EXOC4: variants seen among roughly 807,000 people sequenced by gnomAD.
EXOC4 encodes the protein exocyst complex component 4.
In EXOC4, 71 loss-of-function variants were observed where a neutral mutation model predicts 107.2. The ratio of observed to expected loss-of-function variants is 0.66; its 90% confidence interval spans 0.55 to 0.81. The LOEUF (loss-of-function observed/expected upper bound fraction) is 0.81. Ranked by LOEUF, EXOC4 falls within the 30% of genes least tolerant of loss-of-function variation. EXOC4 has a pLI of 0.00. For synonymous variants in EXOC4, 456 were observed against 441.2 expected, an observed-to-expected ratio of 1.03 and a Z score of -0.42; for missense variants, 1,108 against 1,189.6, an observed-to-expected ratio of 0.93 and a Z score of 1.01.
chr7:133,601,795 C>T (rs1801812987), intron 9 of EXOC4: 1 of 152,246 alleles, frequency 6.6e-6, no homozygotes, highest in African/African-American at 2.4e-5. Flanking sequence ...TGCCATTTCA[C>T]CAGGATGTTG....
intron 14 of EXOC4, among the ~76,000 whole-genome samples, chr7:133,981,509 C>T (rs1793977628): frequency 6.6e-6 from 1 of 152,004 alleles, no homozygotes; most frequent in African/African-American, 2.4e-5. Flanking sequence ...AGCTAAAAGT[C>T]AGTGATCTTT....
At chr7:133,432,407 T>C (rs1348335178) in intron 7 of EXOC4, among the ~76,000 whole-genome samples, 2 of 152,186 alleles carry the variant, frequency 1.3e-5, no homozygotes, top group African/African-American at 2.4e-5. Context: ...ATGGGACATA[T>C]AGTAGGCATT....
intron 7 of EXOC4, among the ~76,000 whole-genome samples, chr7:133,457,794 T>G (rs1343088163): frequency 6.6e-6 from 1 of 152,196 alleles, no homozygotes; most frequent in Non-Finnish European, 1.5e-5. Flanking sequence ...TTGTATTACT[T>G]TTTCACTTAT....
At chr7:133,821,193 T>C (rs1308679530) in intron 11 of EXOC4, among the ~76,000 whole-genome samples, 1 of 152,230 alleles carries the variant, frequency 6.6e-6, no homozygotes, top group African/African-American at 2.4e-5. Flanking sequence ...CAGACACTAT[T>C]CTGGGTGCTT....
intron 9 of EXOC4, among the ~76,000 whole-genome samples, chr7:133,595,581 A>G (rs1457272733): frequency 6.6e-6 from 1 of 152,166 alleles, no homozygotes; most frequent in Non-Finnish European, 1.5e-5. Context: ...TGAGCACTTT[A>G]TGTGCATGAT....
At position 133,448,607 on chromosome 7, in the gene EXOC4, C is replaced by T. The variant is rs116070596; in HGVS notation, c.1183-26721C>T. On this transcript the variant is annotated intron_variant, in intron 7 of 17. Coordinates refer to ENST00000253861, the MANE Select transcript of EXOC4 (RefSeq NM_021807.4). Reference sequence around the variant, plus strand: ...TATAGGCATGAGGCACCATGCCCAACCTAGAGCAGGTCTTAAGCCTCTTTC... The same window carrying T: ...TATAGGCATGAGGCACCATGCCCAATCTAGAGCAGGTCTTAAGCCTCTTTC... 1.3e-3 allele frequency among the ~76,000 whole-genome samples: 198 copies of T among 152,276 alleles called. 1 individual carries two copies. The highest frequency in any genetic ancestry group is 4.1e-3 in the African/African-American group (170 of 41,562).
At chr7:133,425,872 A>G (rs1213056239) in intron 7 of EXOC4, among the ~76,000 whole-genome samples, 5 of 152,172 alleles carry the variant, frequency 3.3e-5, no homozygotes. Context: ...AAAAAATTTA[A>G]ATCTACCTAT....
chr7:133,965,908 C>T (rs1387482955), intron 14 of EXOC4, among the ~76,000 whole-genome samples: 2 of 152,140 alleles, frequency 1.3e-5, no homozygotes, highest in Non-Finnish European at 2.9e-5. Context: ...CTATGAATTA[C>T]TTTGGGCAGT....
At chr7:134,060,548 C>T (rs932794667) in intron 17 of EXOC4, among the ~76,000 whole-genome samples, 2 of 152,202 alleles carry the variant, frequency 1.3e-5, no homozygotes, top group African/African-American at 2.4e-5. Flanking sequence ...GAAGACCAAG[C>T]TTTCAATTTC....
At chr7:133,267,219 A>G (rs557984096) in intron 1 of EXOC4, among the ~76,000 whole-genome samples, 3 of 152,358 alleles carry the variant, frequency 2.0e-5, no homozygotes, top group East Asian at 1.9e-4. Context: ...TTGAAAGGTT[A>G]TCAGGCTTTG....
intron 7 of EXOC4, among the ~76,000 whole-genome samples, chr7:133,377,959 A>G (rs1455689989): frequency 6.6e-6 from 1 of 151,886 alleles, no homozygotes; most frequent in African/African-American, 2.4e-5. Context: ...GACATTTTCA[A>G]ATGAACTAAA....
intron 9 of EXOC4, among the ~76,000 whole-genome samples, chr7:133,493,288 T>C (rs1799410331): frequency 6.6e-6 from 1 of 152,028 alleles, no homozygotes; most frequent in Non-Finnish European, 1.5e-5. Flanking sequence ...TACTAAAAAA[T>C]TAGCTGGACA....
chr7:133,505,446 A>G (rs1212410022), intron 9 of EXOC4, among the ~76,000 whole-genome samples: 7 of 152,242 alleles, frequency 4.6e-5, no homozygotes, highest in Admixed American at 6.5e-5. Flanking sequence ...TGCAGCCTCT[A>G]TGAAAATGGT....
At chr7:133,917,774 G>C in intron 13 of EXOC4, 36 bp downstream of exon 13, 2 of 1,590,302 alleles carry the variant, frequency 1.3e-6, no homozygotes, top group South Asian at 1.1e-5. Flanking sequence ...CCTAAACATA[G>C]GGAGGAAGCA....
chr7:133,604,710 C>CTTTTTTTTTTTTTT lies in EXOC4; in HGVS notation c.1418-25317_1418-25304dup, dbSNP rs61548710. Among the ~76,000 whole-genome samples the CTTTTTTTTTTTTTT allele has an allele frequency of 2.6e-4, 13 of 50,266 alleles. 1 individual carries two copies. The highest frequency in any genetic ancestry group is 3.1e-4 in the African/African-American group (4 of 12,866). The allele number at this position is 50,266 out of a possible 152,430, so 33.0% of individuals were successfully genotyped here. On this transcript the variant is annotated intron_variant, in intron 9 of 17. Coordinates refer to ENST00000253861, the MANE Select transcript of EXOC4 (RefSeq NM_021807.4). Reference sequence around the variant, plus strand: ...TCTTTCCTTCCTTCCTTCCTTCTTTCTTTTTTTTTTTTTTTTTTTTTTTTT... The same window carrying CTTTTTTTTTTTTTT: ...TCTTTCCTTCCTTCCTTCCTTCTTTCTTTTTTTTTTTTTTTTTTTTTTTTTTTTTTTTTTTTTTT...
intron 14 of EXOC4, among the ~76,000 whole-genome samples, chr7:133,990,243 T>G (rs1385484187): frequency 1.3e-5 from 2 of 152,010 alleles, no homozygotes; most frequent in African/African-American, 2.4e-5. Flanking sequence ...AAGTGTATTT[T>G]TGTGCCCATT....
At chr7:133,442,821 T>C (rs1798133210) in intron 7 of EXOC4, among the ~76,000 whole-genome samples, 1 of 152,168 alleles carries the variant, frequency 6.6e-6, no homozygotes, top group Non-Finnish European at 1.5e-5. Flanking sequence ...GTGTGTTTTG[T>C]GTGACTGAAA....
the EXOC4 span, among the ~76,000 whole-genome samples, chr7:134,077,335 G>A: frequency 6.6e-6 from 1 of 152,148 alleles, no homozygotes; most frequent in Non-Finnish European, 1.5e-5. Context: ...CAACAAATTG[G>A]ATGATGCTTA....
chr7:133,925,809 G>A (rs180812447), intron 13 of EXOC4, among the ~76,000 whole-genome samples: 22 of 152,068 alleles, frequency 1.4e-4, no homozygotes, highest in East Asian at 7.7e-4. Context: ...AAGCCGAGGC[G>A]AGTGGATCAC....
Sources: allele counts gnomAD v4.1 joint callset (sites outside exome capture counted in the v4.1 genomes callset), GRCh38; gene constraint gnomAD v4.1.1; transcripts MANE v1.5; gene names NCBI Gene and HGNC (gene_info 2026-07-23, HGNC 2026-07-21).